Variants in NOL4 observed in about 807,000 individuals in gnomAD.
The protein encoded by NOL4 is nucleolar protein 4.
A neutral mutation model predicts 75.9 loss-of-function variants in NOL4; 17 were observed. The observed-to-expected ratio is 0.22, with a 90% CI of 0.15 to 0.34. The LOEUF (loss-of-function observed/expected upper bound fraction) is 0.34, where lower values mean the gene tolerates loss of function less well. Ranked by LOEUF, NOL4 falls within the 10% of genes least tolerant of loss-of-function variation. NOL4 has a pLI of 1.00. For synonymous variants in NOL4, 292 were observed against 289.9 expected (o/e 1.01, Z -0.07); for missense variants, 614 against 793.5 (o/e 0.77, Z 2.72).
At chr18:33,877,826 TTGTG>T (rs113939972) in intron 10 of NOL4, among the ~76,000 whole-genome samples, 95 of 148,114 alleles carry the variant, frequency 6.4e-4, no homozygotes, top group East Asian at 1.0e-3. Flanking sequence ...TGTTGTGTGA[TTGTG>T]TGTGTGTGTG....
intron 1 of NOL4, among the ~76,000 whole-genome samples, chr18:34,143,474 C>T (rs112576570): frequency 8.0e-4 from 122 of 152,210 alleles, no homozygotes; most frequent in African/African-American, 2.9e-3. Flanking sequence ...AAACTCCATA[C>T]AACTTTTGAA....
intron 9 of NOL4, among the ~76,000 whole-genome samples, chr18:33,891,388 C>T (rs1016655963): frequency 6.6e-6 from 1 of 152,114 alleles, no homozygotes; most frequent in Admixed American, 6.6e-5. Flanking sequence ...AAAATCACCA[C>T]AAATAAAGCA....
intron 5 of NOL4, among the ~76,000 whole-genome samples, chr18:34,042,542 G>C (rs148817199): frequency 1.8e-3 from 272 of 152,042 alleles, no homozygotes; most frequent in Middle Eastern, 3.4e-3. Context: ...TAGACTAAAT[G>C]CTTCTGAAAC....
chr18:34,001,981 C>T (rs191190302), intron 6 of NOL4, among the ~76,000 whole-genome samples: 2 of 152,190 alleles, frequency 1.3e-5, no homozygotes, highest in Admixed American at 1.3e-4. Context: ...AGCTTGAGGC[C>T]AGTGCCATCC....
intron 9 of NOL4, among the ~76,000 whole-genome samples, chr18:33,888,093 CT>C (rs2064872507): frequency 6.6e-6 from 1 of 152,178 alleles, no homozygotes. Flanking sequence ...TGTTTCCTGA[CT>C]TTTTAATGAT....
intron 1 of NOL4, among the ~76,000 whole-genome samples, chr18:34,203,723 A>T (rs563207815): frequency 0.037 from 4,329 of 118,464 alleles, 78 homozygotes; most frequent in African/African-American, 0.071. Context: ...TCTCTCACAC[A>T]CACACACACA....
intron 5 of NOL4, among the ~76,000 whole-genome samples, chr18:34,088,560 G>A (rs1233609079): frequency 1.3e-5 from 2 of 151,986 alleles, no homozygotes; most frequent in Admixed American, 6.6e-5. Flanking sequence ...TCTGTGAACC[G>A]CAGCCATTGC....
At chr18:34,034,699 C>T (rs2075804280) in intron 5 of NOL4, among the ~76,000 whole-genome samples, 1 of 152,046 alleles carries the variant, frequency 6.6e-6, no homozygotes, top group African/African-American at 2.4e-5. Context: ...GAGATTGCGC[C>T]ACTGTACTCC....
At chr18:34,006,032 A>G (rs1213611974) in intron 6 of NOL4, among the ~76,000 whole-genome samples, 3 of 152,074 alleles carry the variant, frequency 2.0e-5, no homozygotes, top group African/African-American at 7.2e-5. Flanking sequence ...TTTTTTGCAT[A>G]TAAAAACTGA....
chr18:34,213,515 CTT>C (rs1555762554), intron 1 of NOL4, among the ~76,000 whole-genome samples: 1 of 152,162 alleles, frequency 6.6e-6, no homozygotes, highest in Non-Finnish European at 1.5e-5. Context: ...ATCTCGATCT[CTT>C]GACCTTGTGA....
Position 33,883,415 on chromosome 18 carries a change from C to A in NOL4, c.1552G>T (p.Ala518Ser). ...MRLERQQDES[A>S]PADKQCKPEA... Reference sequence around the variant, plus strand: ...GGTTTACACTGTTTGTCAGCTGGAGCAGACTCATCCTGCAAGGACAGACAG... The same window carrying A: ...GGTTTACACTGTTTGTCAGCTGGAGAAGACTCATCCTGCAAGGACAGACAG... Residue 518 changes from alanine to serine, a missense_variant, in exon 10 of 11, where the codon GCT becomes TCT. Around this residue, in one of 9 missense-constraint regions of NOL4, gnomAD observed 128 missense variants for 159.9 expected, o/e 0.80. Coordinates refer to ENST00000261592, the MANE Select transcript of NOL4 (RefSeq NM_003787.5). The A allele has an allele frequency of 6.2e-7, 1 of 1,605,322 alleles. No individual in the cohort carries two copies. The highest frequency in any genetic ancestry group is 1.1e-5 in the South Asian group (1 of 89,644).
rs1299756902 is a variant in NOL4 at position 34,054,062 on chromosome 18, T to C, written c.773-34461A>G. On this transcript the variant is annotated intron_variant, in intron 5 of 10. Transcript: ENST00000261592. The stretch of plus-strand genomic sequence containing the variant: ...TGATGCAAGCAAATTCTCACATAAT[T>C]ATTTTTAAATGCTAGATAGTTGGTA... Among the ~76,000 whole-genome samples the C allele has an allele frequency of 2.0e-5, 3 of 151,986 alleles. No homozygotes were observed. The East Asian group carries it at 5.8e-4, about 29-fold the overall frequency.
At chr18:33,960,841 A>G (rs17747833) in intron 6 of NOL4, among the ~76,000 whole-genome samples, 4,127 of 152,216 alleles carry the variant, frequency 0.027, 88 homozygotes, top group Non-Finnish European at 0.043. Flanking sequence ...GTAGAAATCA[A>G]TTCCTAAGGC....
chr18:33,874,399 TA>T (rs913154461), intron 10 of NOL4, among the ~76,000 whole-genome samples: 7 of 151,908 alleles, frequency 4.6e-5, no homozygotes, highest in African/African-American at 1.7e-4. Context: ...TTGTGCTCCT[TA>T]GGGTATTAAG....
intron 5 of NOL4, among the ~76,000 whole-genome samples, chr18:34,034,029 C>G (rs746860695): frequency 1.3e-5 from 2 of 152,116 alleles, no homozygotes; most frequent in African/African-American, 4.8e-5. Flanking sequence ...ACTCTCCCTA[C>G]GAGAAATGCT....
At chr18:34,092,894 C>T (rs1284694287) in intron 5 of NOL4, among the ~76,000 whole-genome samples, 1 of 152,212 alleles carries the variant, frequency 6.6e-6, no homozygotes, top group Non-Finnish European at 1.5e-5. Flanking sequence ...CAAGAATAGG[C>T]TGATTCAGAA....
intron 9 of NOL4, among the ~76,000 whole-genome samples, chr18:33,925,802 G>A (rs73955082): frequency 1.7e-3 from 255 of 152,208 alleles, no homozygotes; most frequent in African/African-American, 5.9e-3. Flanking sequence ...AAAAAGGAAG[G>A]AAGGAAGGAA....
At chr18:34,105,670 G>A (rs554431960) in intron 2 of NOL4, among the ~76,000 whole-genome samples, 1 of 152,026 alleles carries the variant, frequency 6.6e-6, no homozygotes, top group Non-Finnish European at 1.5e-5. Context: ...CAGAACTTAT[G>A]TATATATTTA....
intron 8 of NOL4, among the ~76,000 whole-genome samples, chr18:33,956,451 A>T (rs1186690440): frequency 1.3e-5 from 2 of 152,108 alleles, no homozygotes; most frequent in East Asian, 1.9e-4. Flanking sequence ...ACCCAATCAC[A>T]CCTAACTAAT....
Sources: allele counts gnomAD v4.1 joint callset (sites outside exome capture counted in the v4.1 genomes callset), GRCh38; gene constraint gnomAD v4.1.1; regional missense constraint gnomAD v4.1.1; transcripts MANE v1.5; gene names NCBI Gene and HGNC (gene_info 2026-07-23, HGNC 2026-07-21).